CLASP2: variants seen among roughly 807,000 people sequenced by gnomAD.
CLASP2 encodes cytoplasmic linker associated protein 2.
Under a neutral mutation model 194.4 loss-of-function variants are expected in CLASP2, and 47 were observed. That is an observed-to-expected ratio of 0.24 (90% CI 0.19 to 0.31). CLASP2 has a LOEUF of 0.31. Ranked by LOEUF, CLASP2 falls within the 10% of genes least tolerant of loss-of-function variation. The probability of loss-of-function intolerance (pLI) is 1.00; values close to 1 mark genes in which losing one functional copy is unlikely to be tolerated. For missense variants in CLASP2, 1,445 were observed against 1,823.6 expected (o/e 0.79, Z 3.78); for synonymous variants, 619 against 633.5 (o/e 0.98, Z 0.34).
chr3:33,597,459 G>A (rs2070739488), intron 18 of CLASP2, among the ~76,000 whole-genome samples: 1 of 152,174 alleles, frequency 6.6e-6, no homozygotes, highest in Non-Finnish European at 1.5e-5. Context: ...TTAATGATAA[G>A]GTTATTTTAA....
chr3:33,704,528 G>T (rs1208643222), intron 1 of CLASP2, among the ~76,000 whole-genome samples: 1 of 152,138 alleles, frequency 6.6e-6, no homozygotes, highest in African/African-American at 2.4e-5. Context: ...AAAGCGGGTG[G>T]ATCACCTGAG....
chr3:33,676,765 C>T (rs1445382162), intron 6 of CLASP2, among the ~76,000 whole-genome samples: 2 of 152,130 alleles, frequency 1.3e-5, no homozygotes, highest in African/African-American at 4.8e-5. Context: ...AGTGAACAGG[C>T]AACCTACAAA....
intron 16 of CLASP2, 24 bp from the exon 17 acceptor site, chr3:33,604,233 T>C (rs958534348): frequency 4.0e-6 from 6 of 1,516,268 alleles, no homozygotes; most frequent in Non-Finnish European, 4.5e-6. Context: ...AAAATGCTTT[T>C]AGTAAGAAGA....
chr3:33,602,926 C>G (rs761483694), intron 18 of CLASP2, 26 bp downstream of exon 18: 2 of 1,593,424 alleles, frequency 1.3e-6, no homozygotes, highest in Non-Finnish European at 1.7e-6. Flanking sequence ...GAACATGGTA[C>G]AATTTTCCAT....
At chr3:33,612,752 T>C (rs1428571044) in intron 12 of CLASP2, among the ~76,000 whole-genome samples, 1 of 152,088 alleles carries the variant, frequency 6.6e-6, no homozygotes, top group East Asian at 1.9e-4. Context: ...GGCTATGAGA[T>C]GGAGTTTAGC....
At position 33,717,904 on chromosome 3, in the gene CLASP2, G is replaced by A; in HGVS notation, c.99C>T (p.Gly33=). 1 of 1,554,638 alleles carries A rather than the reference G, an allele frequency of 6.4e-7. No homozygotes were observed. The highest frequency in any genetic ancestry group is 8.7e-7 in the Non-Finnish European group (1 of 1,149,830). Residue 33 remains glycine, a synonymous_variant, in exon 1 of 39, where the codon GGC becomes GGT. Coordinates refer to ENST00000682230, the MANE Select transcript of CLASP2 (RefSeq NM_001365631.1). The part of the protein sequence containing the change: ...QVGQELLLYL[G]APGAISDLEE... ...CCAGGTCCGAGATGGCGCCGGGGGC[G>A]CCAAGGTAGAGCAGGAGCTCCTGGC...
intron 36 of CLASP2, among the ~76,000 whole-genome samples, chr3:33,511,164 T>C (rs1343957512): frequency 1.3e-5 from 2 of 151,736 alleles, no homozygotes; most frequent in South Asian, 2.1e-4. Context: ...TTCTGAGTAG[T>C]TGGAACTACA....
intron 29 of CLASP2, among the ~76,000 whole-genome samples, chr3:33,553,513 CAAAT>C (rs984733504): frequency 3.9e-5 from 6 of 152,010 alleles, no homozygotes; most frequent in African/African-American, 9.7e-5. Context: ...AGCAAGAAAA[CAAAT>C]AAACTATTTA....
At chr3:33,615,697 G>A (rs2076030582) in intron 12 of CLASP2, among the ~76,000 whole-genome samples, 1 of 151,906 alleles carries the variant, frequency 6.6e-6, no homozygotes, top group African/African-American at 2.4e-5. Context: ...TATATAAAGT[G>A]ATGACATACT....
chr3:33,659,372 C>T, intron 7 of CLASP2: 5 of 1,059,290 alleles, frequency 4.7e-6, no homozygotes, highest in Non-Finnish European at 5.7e-6. Context: ...ATGCAATCAT[C>T]AAAACACAAG....
intron 11 of CLASP2, among the ~76,000 whole-genome samples, chr3:33,620,132 T>A (rs575990759): frequency 3.9e-4 from 60 of 152,356 alleles, no homozygotes; most frequent in African/African-American, 1.2e-3. Flanking sequence ...TCAGCATATT[T>A]TTACAAACAA....
chr3:33,689,646 A>C, intron 3 of CLASP2, 183 bp downstream of exon 3: 3 of 444,826 alleles, frequency 6.7e-6, no homozygotes, highest in Non-Finnish European at 1.2e-5. Context: ...TTAAGAGTAC[A>C]AAATAAGAAT....
At chr3:33,577,855 G>C (rs1477526078) in intron 23 of CLASP2, among the ~76,000 whole-genome samples, 1 of 152,192 alleles carries the variant, frequency 6.6e-6, no homozygotes, top group African/African-American at 2.4e-5. Flanking sequence ...AACACAATGA[G>C]AAGGCATCAT....
intron 21 of CLASP2, among the ~76,000 whole-genome samples, chr3:33,591,541 T>G (rs943312574): frequency 2.0e-5 from 3 of 152,232 alleles, no homozygotes; most frequent in East Asian, 1.9e-4. Context: ...AGCCCAGGAG[T>G]TGGAGGCTGC....
At chr3:33,685,558 T>C (rs1045738285) in intron 5 of CLASP2, among the ~76,000 whole-genome samples, 1 of 151,914 alleles carries the variant, frequency 6.6e-6, no homozygotes, top group Non-Finnish European at 1.5e-5. Flanking sequence ...ACAACCAAAA[T>C]GTCCATCCAC....
At position 33,684,433 on chromosome 3, in the gene CLASP2, A is replaced by G; in HGVS notation, c.570T>C (p.Ala190=). The change falls in exon 6 of 39, where the codon GCT becomes GCC. Residue 190 remains alanine, a synonymous_variant. Transcript: ENST00000682230. ...CCACATGTCTATAAATCTCCACTAT[A>G]GCCAATATTGCAGCATCTCTCACCT... The part of the protein sequence containing the change: ...NSQVRDAAIL[A]IVEIYRHVGE... 6.2e-7 allele frequency: 1 copy of G among 1,601,566 alleles called. No individual in the cohort carries two copies. The highest frequency in any genetic ancestry group is 8.5e-7 in the Non-Finnish European group (1 of 1,173,130).
intron 8 of CLASP2, among the ~76,000 whole-genome samples, chr3:33,642,400 G>A (rs935001496): frequency 3.3e-5 from 5 of 151,804 alleles, no homozygotes; most frequent in Non-Finnish European, 7.4e-5. Flanking sequence ...ACAATGAATA[G>A]TGCCACTTTT....
In CLASP2 at chr3:33,570,481, T is replaced by G. The variant is rs969865078; in HGVS notation, c.2763+246A>C. Among the ~76,000 whole-genome samples the G allele has an allele frequency of 1.2e-4, 18 of 152,320 alleles. No homozygotes were observed. In the Middle Eastern group the frequency reaches 0.02, roughly 173 times the overall value. The stretch of plus-strand genomic sequence containing the variant: ...GTAACACAAAATACACCAACTTGAC[T>G]AAATTACTTGAGTTGTAACTGTATC... On this transcript the variant is annotated intron_variant, in intron 26 of 38. Transcript: ENST00000682230.
At chr3:33,646,396 T>C (rs1315639936) in intron 7 of CLASP2, among the ~76,000 whole-genome samples, 2 of 152,130 alleles carry the variant, frequency 1.3e-5, no homozygotes, top group Non-Finnish European at 2.9e-5. Flanking sequence ...ATTATTTTTT[T>C]AGCATAACAC....
Sources: gnomAD v4.1 joint callset for allele counts (sites outside exome capture counted in the v4.1 genomes callset) on GRCh38, gnomAD v4.1.1 for gene constraint, MANE v1.5 for transcripts, NCBI Gene and HGNC (gene_info 2026-07-23, HGNC 2026-07-21) for gene names.